The following PELI2 variants were observed in gnomAD, a reference collection of about 807,000 sequenced individuals.
PELI2 encodes E3 ubiquitin-protein ligase pellino homolog 2.
A neutral mutation model predicts 42.3 loss-of-function variants in PELI2; 23 were observed. The ratio of observed to expected loss-of-function variants is 0.54; its 90% CI spans 0.39 to 0.77. PELI2 has a LOEUF of 0.77. Among genes scored for constraint, PELI2 ranks in the 30% least tolerant of loss-of-function variants. PELI2 has a pLI of 0.00. For missense variants in PELI2, 463 were observed against 553.2 expected (o/e 0.84, Z 1.64); for synonymous variants, 245 against 212.2 (o/e 1.15, Z -1.34).
At chr14:56,246,404 C>T (rs115576820) in intron 2 of PELI2, among the ~76,000 whole-genome samples, 1 of 152,196 alleles carries the variant, frequency 6.6e-6, no homozygotes, top group Admixed American at 6.5e-5. Flanking sequence ...TTAATAACTA[C>T]TTAAGCTGCT....
At chr14:56,155,390 A>G (rs1238629777) in intron 1 of PELI2, among the ~76,000 whole-genome samples, 1 of 152,128 alleles carries the variant, frequency 6.6e-6, no homozygotes, top group Non-Finnish European at 1.5e-5. Flanking sequence ...GGTGGAATGT[A>G]AGATACAGCT....
At chr14:56,287,137 A>T (rs1889670857) in intron 3 of PELI2, among the ~76,000 whole-genome samples, 1 of 152,146 alleles carries the variant, frequency 6.6e-6, no homozygotes, top group Non-Finnish European at 1.5e-5. Context: ...TTCCATGGAG[A>T]TGGACAAATC....
intron 2 of PELI2, among the ~76,000 whole-genome samples, chr14:56,189,141 A>G (rs991574474): frequency 1.3e-5 from 2 of 152,240 alleles, no homozygotes; most frequent in Admixed American, 1.3e-4. Context: ...CCTGGGTGAC[A>G]GAACGAAACT....
intron 1 of PELI2, among the ~76,000 whole-genome samples, chr14:56,164,728 G>A (rs1029672281): frequency 1.3e-5 from 2 of 152,022 alleles, no homozygotes; most frequent in Admixed American, 1.3e-4. Context: ...TTATTGGTCT[G>A]TTCAGGTTTT....
intron 1 of PELI2, among the ~76,000 whole-genome samples, chr14:56,152,791 T>C (rs1408035605): frequency 2.6e-5 from 4 of 152,234 alleles, no homozygotes; most frequent in African/African-American, 9.6e-5. Flanking sequence ...GATATATTTG[T>C]AAAAAGATGG....
rs544481832 is a variant in PELI2, at chr14:56,183,786, T to C, written c.207+5322T>C. 2.6e-5 allele frequency among the ~76,000 whole-genome samples: 4 copies of C among 152,294 alleles called. No individual in the cohort carries two copies. In the South Asian group the frequency reaches 8.3e-4, roughly 32 times the overall value. On this transcript the variant is annotated intron_variant, in intron 2 of 5. Coordinates refer to ENST00000267460, the MANE Select transcript of PELI2 (RefSeq NM_021255.3). ...GCTGGAAGGAACAACATCTGAAATA[T>C]ATTAAACTTTATTAGTCATACTCAA...
At chr14:56,221,409 T>C (rs1887128133) in intron 2 of PELI2, among the ~76,000 whole-genome samples, 1 of 152,152 alleles carries the variant, frequency 6.6e-6, no homozygotes, top group Non-Finnish European at 1.5e-5. Flanking sequence ...AATCTAGGAA[T>C]AGGCACATGG....
At chr14:56,153,717 T>G (rs1209260396) in intron 1 of PELI2, among the ~76,000 whole-genome samples, 1 of 151,976 alleles carries the variant, frequency 6.6e-6, no homozygotes, top group Non-Finnish European at 1.5e-5. Context: ...GTACATAGAG[T>G]TTTTTTGTAA....
intron 3 of PELI2, among the ~76,000 whole-genome samples, chr14:56,284,734 C>T (rs1026741858): frequency 1.3e-5 from 2 of 152,156 alleles, no homozygotes; most frequent in Admixed American, 6.5e-5. Flanking sequence ...ATTCAGCCTC[C>T]CTGTCATAAT....
At chr14:56,153,562 T>G (rs1884442949) in intron 1 of PELI2, among the ~76,000 whole-genome samples, 1 of 152,154 alleles carries the variant, frequency 6.6e-6, no homozygotes, top group Non-Finnish European at 1.5e-5. Flanking sequence ...AGAAACCAAT[T>G]TTGTATGCTA....
chr14:56,209,093 A>G (rs1378838009), intron 2 of PELI2, among the ~76,000 whole-genome samples: 1 of 152,268 alleles, frequency 6.6e-6, no homozygotes, highest in Non-Finnish European at 1.5e-5. Flanking sequence ...TAAGACCTGC[A>G]TAACTCAGTG....
At chr14:56,289,287 A>C (rs1889748117) in intron 4 of PELI2, among the ~76,000 whole-genome samples, 1 of 152,136 alleles carries the variant, frequency 6.6e-6, no homozygotes, top group Non-Finnish European at 1.5e-5. Flanking sequence ...TGTGACATCC[A>C]GTGCACTGGG....
At chr14:56,191,450 T>C (rs1042735804) in intron 2 of PELI2, among the ~76,000 whole-genome samples, 3 of 152,192 alleles carry the variant, frequency 2.0e-5, no homozygotes, top group Non-Finnish European at 4.4e-5. Context: ...GCAGCAGCAA[T>C]GAACCACACA....
intron 2 of PELI2, among the ~76,000 whole-genome samples, chr14:56,228,564 A>AT (rs1213153487): frequency 1.3e-5 from 2 of 152,240 alleles, no homozygotes; most frequent in Admixed American, 6.5e-5. Flanking sequence ...TAAACTTAAC[A>AT]TTTTTTAAAA....
intron 2 of PELI2, among the ~76,000 whole-genome samples, chr14:56,207,221 A>T (rs988231736): frequency 5.3e-5 from 8 of 152,224 alleles, no homozygotes; most frequent in African/African-American, 1.4e-4. Context: ...GAGAAAAAAA[A>T]TAACTGAATA....
At chr14:56,275,701 G>A (rs546140236) in intron 2 of PELI2, among the ~76,000 whole-genome samples, 3 of 152,298 alleles carry the variant, frequency 2.0e-5, no homozygotes, top group Admixed American at 1.3e-4. Context: ...TCGCTTGCTC[G>A]TCTGCCACTC....
Position 56,124,981 on chromosome 14 carries a change from A to G in PELI2, c.77+6244A>G, listed in dbSNP as rs74054141. Among the ~76,000 whole-genome samples the G allele has an allele frequency of 9.0e-3, 1,366 of 152,260 alleles. 17 individuals carry two copies. The highest frequency in any genetic ancestry group is 0.031 in the African/African-American group (1,306 of 41,540). On this transcript the variant is annotated intron_variant, in intron 1 of 5. Transcript: ENST00000267460. The stretch of plus-strand genomic sequence containing the variant: ...TTGGACTTTACCCTAAGAGCACAGG[A>G]GACTGTCTCAGGGTTTTGCTAGTAT...
chr14:56,214,100 AC>A (rs1292619627), intron 2 of PELI2, among the ~76,000 whole-genome samples: 1 of 152,104 alleles, frequency 6.6e-6, no homozygotes, highest in East Asian at 1.9e-4. Flanking sequence ...GGATCCGCCC[AC>A]CTTGGCCTCC....
chr14:56,250,958 A>G (rs1267354853), intron 2 of PELI2, among the ~76,000 whole-genome samples: 1 of 152,234 alleles, frequency 6.6e-6, no homozygotes, highest in Non-Finnish European at 1.5e-5. Context: ...AAGCTGGGAA[A>G]GAGTGCTCTT....
Sources: gnomAD v4.1 joint callset for allele counts (sites outside exome capture counted in the v4.1 genomes callset) on GRCh38, gnomAD v4.1.1 for gene constraint, MANE v1.5 for transcripts, NCBI Gene and HGNC (gene_info 2026-07-23, HGNC 2026-07-21) for gene names.